Variants in LAMA2 observed in about 807,000 individuals in gnomAD.
LAMA2 encodes laminin subunit alpha-2.
In LAMA2, 269 loss-of-function variants were observed where a neutral mutation model predicts 364.8. That is an observed-to-expected ratio of 0.74 (90% confidence interval 0.67 to 0.82). LAMA2 has a LOEUF of 0.82. Among genes scored for constraint, LAMA2 ranks in the 40% least tolerant of loss-of-function variants. The pLI is 0.00. For synonymous variants in LAMA2, 1,379 were observed against 1,370.6 expected (o/e 1.01, Z -0.14); for missense variants, 3,807 against 3,873.2 (o/e 0.98, Z 0.45).
intron 1 of LAMA2, among the ~76,000 whole-genome samples, chr6:128,973,403 T>C (rs991569899): frequency 4.6e-5 from 7 of 152,204 alleles, no homozygotes; most frequent in Non-Finnish European, 1.0e-4. Context: ...AATCCTTGAA[T>C]CAAAATGATT....
chr6:129,124,319 A>T (rs1231497102), intron 4 of LAMA2, among the ~76,000 whole-genome samples: 2 of 152,202 alleles, frequency 1.3e-5, no homozygotes, highest in African/African-American at 2.4e-5. Context: ...GGTAGAGATG[A>T]TGTCCCCCTG....
intron 40 of LAMA2, among the ~76,000 whole-genome samples, chr6:129,409,958 G>T (rs1780443207): frequency 6.6e-6 from 1 of 152,112 alleles, no homozygotes; most frequent in Non-Finnish European, 1.5e-5. Flanking sequence ...TGAATGAATA[G>T]ATTTTCTATG....
rs1776256020 is a variant in LAMA2, at chr6:129,341,320, G to A, written c.4312-1023G>A. ...GTCAATTCACTAACATGTCCATCTAGTTTGTAACTGACTTTTTTGTTTCTC... is the reference window on the plus strand; with the variant it reads ...GTCAATTCACTAACATGTCCATCTAATTTGTAACTGACTTTTTTGTTTCTC... On this transcript the variant is annotated intron_variant, in intron 29 of 64. Coordinates refer to ENST00000421865, the MANE Select transcript of LAMA2 (RefSeq NM_000426.4). Among the ~76,000 whole-genome samples, 3 of 152,152 alleles carry A rather than the reference G, an allele frequency of 2.0e-5. No individual in the cohort carries two copies. The South Asian group carries it at 6.2e-4, about 32-fold the overall frequency.
At chr6:129,110,544 ATTT>A (rs1776096415) in intron 4 of LAMA2, among the ~76,000 whole-genome samples, 1 of 152,068 alleles carries the variant, frequency 6.6e-6, no homozygotes, top group Admixed American at 6.6e-5. Context: ...GGCAATAACT[ATTT>A]GTCTATGGTG....
intron 1 of LAMA2, among the ~76,000 whole-genome samples, chr6:128,975,461 A>C (rs1372548830): frequency 3.3e-5 from 5 of 152,166 alleles, no homozygotes; most frequent in Non-Finnish European, 1.5e-5. Context: ...TATTTCAGGA[A>C]CTGAAAGAAA....
rs757861030 is a variant in LAMA2, at chr6:129,291,595, G to A, written c.2750-19G>A. The A allele has an allele frequency of 9.4e-6, 15 of 1,588,262 alleles. No homozygotes were observed. The highest frequency in any genetic ancestry group is 1.3e-5 in the Non-Finnish European group (15 of 1,157,000). On this transcript the variant is annotated intron_variant, in intron 19 of 64. Transcript: ENST00000421865. ...TATTAGAAAGTTTTCCTGATCACAG[G>A]TCTCTCTTCTCTTTGCAGCCTGTCG...
chr6:129,431,096 A>C (rs1442767635), intron 41 of LAMA2, among the ~76,000 whole-genome samples: 1 of 152,110 alleles, frequency 6.6e-6, no homozygotes, highest in Non-Finnish European at 1.5e-5. Context: ...AATTACTTAG[A>C]AAAATAATAG....
chr6:129,287,506 A>G (rs1789355602), intron 18 of LAMA2, among the ~76,000 whole-genome samples: 1 of 152,196 alleles, frequency 6.6e-6, no homozygotes, highest in Admixed American at 6.5e-5. Context: ...GAGTAGAGAC[A>G]TATGATGTGT....
At chr6:129,187,424 G>A (rs1457873549) in intron 10 of LAMA2, among the ~76,000 whole-genome samples, 1 of 151,730 alleles carries the variant, frequency 6.6e-6, no homozygotes, top group Non-Finnish European at 1.5e-5. Context: ...AGTAAAGAAA[G>A]ATTTCTTTAT....
intron 12 of LAMA2, among the ~76,000 whole-genome samples, chr6:129,205,759 T>C (rs1782600036): frequency 6.6e-6 from 1 of 151,978 alleles, no homozygotes; most frequent in African/African-American, 2.4e-5. Flanking sequence ...GTGCACTGGC[T>C]CACGCCTGTA....
chr6:129,341,914 G>A (rs1776288061), intron 29 of LAMA2, among the ~76,000 whole-genome samples: 1 of 152,206 alleles, frequency 6.6e-6, no homozygotes, highest in Non-Finnish European at 1.5e-5. Flanking sequence ...GCCCACTAGT[G>A]GGCATGTGCC....
At chr6:129,375,021 A>T (rs988762809) in intron 34 of LAMA2, among the ~76,000 whole-genome samples, 4 of 152,040 alleles carry the variant, frequency 2.6e-5, no homozygotes, top group Non-Finnish European at 5.9e-5. Context: ...CTCTTCTTTA[A>T]GGGCTTTTAT....
chr6:129,106,392 T>G (rs182685251), intron 4 of LAMA2, among the ~76,000 whole-genome samples: 84 of 152,260 alleles, frequency 5.5e-4, no homozygotes, highest in Admixed American at 4.5e-3. Context: ...TGATTTTGCA[T>G]GTGAGTTTGT....
chr6:129,325,907 T>G (rs1308366207), intron 28 of LAMA2, among the ~76,000 whole-genome samples: 4 of 152,176 alleles, frequency 2.6e-5, no homozygotes, highest in African/African-American at 9.6e-5. Context: ...TGGCCAGATC[T>G]CAGCTTACTG....
chr6:129,327,343 A>AT (rs1454116988), intron 28 of LAMA2, among the ~76,000 whole-genome samples: 7 of 151,892 alleles, frequency 4.6e-5, no homozygotes, highest in Admixed American at 1.3e-4. Context: ...TTAATCTGAT[A>AT]TTTTTTCTGG....
intron 56 of LAMA2, among the ~76,000 whole-genome samples, chr6:129,486,923 T>C (rs551265244): frequency 1.6e-4 from 24 of 152,290 alleles, no homozygotes; most frequent in African/African-American, 5.3e-4. Context: ...CCCTCTTAAA[T>C]ATTACCTCCT....
intron 4 of LAMA2, among the ~76,000 whole-genome samples, chr6:129,102,214 C>T (rs375512421): frequency 2.6e-5 from 4 of 151,246 alleles, no homozygotes; most frequent in Non-Finnish European, 4.4e-5. Flanking sequence ...CTGTAACCTC[C>T]GCCTCCCGGG....
chr6:129,030,138 T>G (rs1786120173), intron 1 of LAMA2, among the ~76,000 whole-genome samples: 1 of 152,154 alleles, frequency 6.6e-6, no homozygotes, highest in Admixed American at 6.5e-5. Flanking sequence ...TTACTTTAGC[T>G]CACCCTCTGG....
intron 12 of LAMA2, among the ~76,000 whole-genome samples, chr6:129,238,430 C>A (rs894753581): frequency 1.6e-4 from 25 of 152,028 alleles, no homozygotes; most frequent in African/African-American, 6.0e-4. Context: ...ACGTATAATT[C>A]AGAGTTGAAT....
Sources: gnomAD v4.1 joint callset for allele counts (sites outside exome capture counted in the v4.1 genomes callset) on GRCh38, gnomAD v4.1.1 for gene constraint, MANE v1.5 for transcripts, NCBI Gene and HGNC (gene_info 2026-07-23, HGNC 2026-07-21) for gene names.